The following ZNF800 variants were observed in gnomAD, a reference collection of about 807,000 sequenced individuals.
ZNF800 encodes the protein zinc finger protein 800.
A neutral mutation model predicts 59.5 loss-of-function variants in ZNF800; 13 were observed. The ratio of observed to expected loss-of-function variants is 0.22; its 90% CI spans 0.14 to 0.35. The LOEUF (loss-of-function observed/expected upper bound fraction) is 0.35, where lower values mean the gene tolerates loss of function less well. ZNF800 is among the 10% of genes least tolerant of loss of function. ZNF800 has a pLI of 1.00. For synonymous variants in ZNF800, 266 were observed against 265.7 expected (o/e 1.00, Z -0.01); for missense variants, 621 against 783.7 (o/e 0.79, Z 2.48).
chr7:127,375,159 G>C (rs976554003), intron 4 of ZNF800, 125 bp from the exon 5 acceptor site: 1 of 764,432 alleles, frequency 1.3e-6, no homozygotes, highest in Non-Finnish European at 1.9e-6. Context: ...TTTTATAAGA[G>C]CATTATCTAC....
At chr7:127,368,680 A>C (rs374901564), downstream of ZNF800, among the ~76,000 whole-genome samples, 1 of 152,138 alleles carries the variant, frequency 6.6e-6, no homozygotes, top group African/African-American at 2.4e-5. Context: ...AATGATAATC[A>C]CTTCTACCTA....
chr7:127,369,734 C>T (rs937931231), downstream of ZNF800, among the ~76,000 whole-genome samples: 2 of 151,986 alleles, frequency 1.3e-5, no homozygotes, highest in Non-Finnish European at 2.9e-5. Flanking sequence ...CTCTAGATTC[C>T]TATTCTGTGG....
At chr7:127,372,148 T>A (rs1239548014) in intron 5 of ZNF800, among the ~76,000 whole-genome samples, 5 of 152,170 alleles carry the variant, frequency 3.3e-5, no homozygotes, top group African/African-American at 9.7e-5. Flanking sequence ...TTGCATTTTT[T>A]AAAAATCTAC....
chr7:127,392,290 C>T lies in ZNF800; in HGVS notation c.-289G>A. The T allele has an allele frequency of 2.6e-6, 1 of 389,536 alleles. No homozygotes were observed. The highest frequency in any genetic ancestry group is 4.5e-6 in the Non-Finnish European group (1 of 220,114). 24.1% of individuals were successfully genotyped at this position (389,536 alleles called of 1,614,324 possible). A position where few individuals can be genotyped will look rare whatever the true frequency, so the allele number is the denominator to read the frequency against. On this transcript the variant is annotated 5_prime_UTR_variant, in exon 1 of 6. Transcript: ENST00000265827. Reference sequence around the variant, plus strand: ...CCTCCGCGGGCCGAGACGACTGCGGCGGCGGCTCACGGCGTCCTCCGCGCT... The same window carrying T: ...CCTCCGCGGGCCGAGACGACTGCGGTGGCGGCTCACGGCGTCCTCCGCGCT...
chr7:127,376,315 C>A (rs897918013), intron 4 of ZNF800, among the ~76,000 whole-genome samples: 1 of 151,906 alleles, frequency 6.6e-6, no homozygotes, highest in African/African-American at 2.4e-5. Flanking sequence ...ATCCACAATG[C>A]ATCTACGCTT....
rs1285523357 is a variant in ZNF800, at chr7:127,392,261, CG to C, written c.-261del. The C allele has an allele frequency of 4.1e-5, 16 of 392,800 alleles. No homozygotes were observed. The highest frequency in any genetic ancestry group is 6.2e-5 in the African/African-American group (3 of 48,298). The allele number at this position is 392,800 out of a possible 1,614,324, so 24.3% of individuals were successfully genotyped here. ...GACGCGGAAGCGCCACAGCTCACCACGTCCCTCCGCGGGCCGAGACGACTGC... is the reference window on the plus strand; with the variant it reads ...GACGCGGAAGCGCCACAGCTCACCACTCCCTCCGCGGGCCGAGACGACTGC... On this transcript the variant is annotated 5_prime_UTR_variant, in exon 1 of 6. Coordinates refer to ENST00000265827, the MANE Select transcript of ZNF800 (RefSeq NM_176814.5).
intron 1 of ZNF800, among the ~76,000 whole-genome samples, chr7:127,355,423 G>T (rs1196084835): frequency 6.6e-6 from 1 of 151,994 alleles, no homozygotes; most frequent in Non-Finnish European, 1.5e-5. Context: ...ATCATGGGGG[G>T]CAATGTAATT....
chr7:127,363,168 T>C (rs1324362490), intron 1 of ZNF800: 2 of 152,116 alleles, frequency 1.3e-5, no homozygotes. Context: ...CTGAGTTTTT[T>C]GTTGCATTTA....
chr7:127,359,451 G>A (rs550774142), intron 1 of ZNF800, among the ~76,000 whole-genome samples: 2 of 146,116 alleles, frequency 1.4e-5, no homozygotes, highest in South Asian at 4.6e-4. Context: ...CTAGCAAAGA[G>A]GACCTGAAAG....
chr7:127,359,803 G>A (rs567022501), intron 1 of ZNF800: 170 of 151,832 alleles, frequency 1.1e-3, no homozygotes, highest in African/African-American at 4.0e-3. Context: ...TCTGCGTACT[G>A]AAACTTTAAT....
intron 1 of ZNF800, chr7:127,362,195 T>A (rs73455350): frequency 7.7e-4 from 117 of 152,040 alleles, no homozygotes; most frequent in African/African-American, 2.7e-3. Context: ...AGGAAAAAAA[T>A]CTAGTAAGCT....
rs1340104332 is a variant in ZNF800 at position 127,371,748 on chromosome 7, T to C, written c.*66A>G. On this transcript the variant is annotated 3_prime_UTR_variant, in exon 6 of 6. Coordinates refer to ENST00000265827, the MANE Select transcript of ZNF800 (RefSeq NM_176814.5). ...ACCATTTGAAGATGTTTAGTGGTTCTAACACCAATTTAAAGTCTTTCCACA... is the reference window on the plus strand; with the variant it reads ...ACCATTTGAAGATGTTTAGTGGTTCCAACACCAATTTAAAGTCTTTCCACA... 2.7e-6 allele frequency: 2 copies of C among 737,502 alleles called. No individual in the cohort carries two copies. Among genetic ancestry groups the C allele is most frequent in the African/African-American group, 3.5e-5 (2 of 56,756 alleles). 45.7% of individuals were successfully genotyped at this position (737,502 alleles called of 1,614,324 possible).
At chr7:127,364,154 G>C (rs141633084) in intron 1 of ZNF800, 128 of 152,204 alleles carry the variant, frequency 8.4e-4, no homozygotes, top group African/African-American at 2.8e-3. Context: ...CCATGAATGT[G>C]TGGAAAAGGT....
rs754758617 is a variant in ZNF800, at chr7:127,373,459, G to A, written c.1877C>T (p.Ala626Val). 1.2e-6 allele frequency: 2 copies of A among 1,614,066 alleles called. No individual in the cohort carries two copies. The highest frequency in any genetic ancestry group is 1.7e-6 in the Non-Finnish European group (2 of 1,179,984). ...TTCAAGGTAAGTCTTTTTGGCAAAT[G>A]CCTTTCCACATTTATTGCATCTGTG... ...SLHRCNKCGKAFAKKTYLEHH... is the reference protein window; with the variant it reads ...SLHRCNKCGKVFAKKTYLEHH... Residue 626 changes from alanine to valine, a missense_variant, in exon 5 of 6, where the codon GCA (alanine) becomes GTA (valine). Ala to Val is a moderately conservative substitution (Grantham distance 64). Transcript: ENST00000265827.
intron 4 of ZNF800, among the ~76,000 whole-genome samples, chr7:127,375,615 T>C (rs1228142939): frequency 1.3e-5 from 2 of 152,106 alleles, no homozygotes; most frequent in Non-Finnish European, 2.9e-5. Flanking sequence ...TCCTATTACA[T>C]GTCTTCTTAA....
chr7:127,364,767 G>A (rs763073529), intron 1 of ZNF800: 12 of 152,164 alleles, frequency 7.9e-5, no homozygotes, highest in Non-Finnish European at 1.5e-4. Context: ...CTCCAAAGAA[G>A]AGACAGAAGA....
downstream of ZNF800, among the ~76,000 whole-genome samples, chr7:127,366,600 T>G (rs1298519517): frequency 1.3e-5 from 2 of 152,168 alleles, no homozygotes; most frequent in Non-Finnish European, 2.9e-5. Flanking sequence ...TGCATTGACC[T>G]AACAGTCAAG....
chr7:127,359,380 T>C (rs886794360), intron 1 of ZNF800, among the ~76,000 whole-genome samples: 6 of 152,138 alleles, frequency 3.9e-5, no homozygotes, highest in African/African-American at 1.2e-4. Context: ...AAAGTTAATT[T>C]AGTTATTTAA....
intron 3 of ZNF800, 137 bp downstream of exon 3, chr7:127,385,923 A>C: frequency 1.8e-6 from 1 of 562,976 alleles, no homozygotes; most frequent in Non-Finnish European, 3.0e-6. Flanking sequence ...CTTTTTTAAA[A>C]TATGAAAATT....
Sources: gnomAD v4.1 joint callset for allele counts (sites outside exome capture counted in the v4.1 genomes callset) on GRCh38, gnomAD v4.1.1 for gene constraint, MANE v1.5 for transcripts, NCBI Gene and HGNC (gene_info 2026-07-23, HGNC 2026-07-21) for gene names.